OOSP1: variants seen among roughly 807,000 people sequenced by gnomAD.
OOSP1 encodes the protein putative oocyte-secreted protein 1 homolog.
Under a neutral mutation model 5.7 loss-of-function variants are expected in OOSP1, and 11 were observed. The ratio of observed to expected loss-of-function variants is 1.94; its 90% CI spans 1.22 to 3.20. OOSP1 has a LOEUF of 3.20. OOSP1 is among the 30% of genes most tolerant of loss of function. The pLI is 0.00. For synonymous variants in OOSP1, 44 were observed against 20.0 expected, an observed-to-expected ratio of 2.20 and a Z score of -3.20; for missense variants, 83 against 54.1, an observed-to-expected ratio of 1.53 and a Z score of -1.67.
At chr11:59,939,037 C>T (rs956650391) in intron 1 of OOSP1, among the ~76,000 whole-genome samples, 1 of 152,172 alleles carries the variant, frequency 6.6e-6, no homozygotes, top group South Asian at 2.1e-4. Flanking sequence ...TTTCCTGCGT[C>T]GGCCCCAAAA....
At chr11:59,939,352 T>C (rs1428417550) in intron 1 of OOSP1, among the ~76,000 whole-genome samples, 1 of 151,362 alleles carries the variant, frequency 6.6e-6, no homozygotes, top group Non-Finnish European at 1.5e-5. Context: ...CCCGGGTTCA[T>C]GTGATTCTTG....
rs536067985 is a variant in OOSP1 at position 59,943,009 on chromosome 11, A to T, written c.239A>T (p.Asp80Val). ...TATGAGTTTTTCTACCATCCTCATGACTGTGGTATTGTAACTCAAGTAAGA... is the reference window on the plus strand; with the variant it reads ...TATGAGTTTTTCTACCATCCTCATGTCTGTGGTATTGTAACTCAAGTAAGA... The change falls in exon 2 of 5, where the codon GAC becomes GTC. Residue 80 changes from aspartate (D) to valine (V), a missense_variant. Physicochemically the swap from Asp to Val is radical, Grantham distance 152 (BLOSUM62 -3). Coordinates refer to ENST00000646685, the Ensembl canonical transcript of OOSP1. The T allele has an allele frequency of 1.0e-5, 7 of 702,882 alleles. No individual in the cohort carries two copies. In the South Asian group the frequency reaches 1.0e-4, roughly 10 times the overall value. The allele number at this position is 702,882 out of a possible 1,614,324, so 43.5% of individuals were successfully genotyped here. A position where few individuals can be genotyped will look rare whatever the true frequency, so the allele number is the denominator to read the frequency against.
chr11:59,945,354 A>T (rs1054840907), intron 3 of OOSP1, 88 bp downstream of exon 3: 1 of 700,922 alleles, frequency 1.4e-6, no homozygotes, highest in Admixed American at 2.0e-5. Flanking sequence ...GTTAAATGGT[A>T]CAACCAGTGA....
chr11:59,949,555 G>A (rs529198405), intron 4 of OOSP1, among the ~76,000 whole-genome samples: 1 of 152,106 alleles, frequency 6.6e-6, no homozygotes, highest in Non-Finnish European at 1.5e-5. Flanking sequence ...AGTGTTTGCA[G>A]AACAAGGCCA....
chr11:59,939,400 C>T (rs1176719997), intron 1 of OOSP1, among the ~76,000 whole-genome samples: 5 of 151,852 alleles, frequency 3.3e-5, no homozygotes, highest in Non-Finnish European at 7.4e-5. Context: ...TGCAGATGTG[C>T]ACCACCACAT....
At chr11:59,954,607 A>G (rs1322544635) in intron 4 of OOSP1, among the ~76,000 whole-genome samples, 1 of 151,222 alleles carries the variant, frequency 6.6e-6, no homozygotes, top group Non-Finnish European at 1.5e-5. Flanking sequence ...TCCATTTTCC[A>G]CCAGAGAAAA....
At chr11:59,943,431 G>A (rs181073772) in intron 2 of OOSP1, among the ~76,000 whole-genome samples, 22 of 152,210 alleles carry the variant, frequency 1.4e-4, no homozygotes, top group Admixed American at 1.2e-3. Context: ...GTCATTAAGT[G>A]TCTATTTGTA....
intron 4 of OOSP1, among the ~76,000 whole-genome samples, chr11:59,951,700 A>T (rs1236659704): frequency 6.7e-6 from 1 of 150,310 alleles, no homozygotes; most frequent in Non-Finnish European, 1.5e-5. Flanking sequence ...GTGTCGAAGA[A>T]ATGAACTGCA....
At chr11:59,942,632 TA>T (rs1853841948) in intron 1 of OOSP1, among the ~76,000 whole-genome samples, 1 of 152,204 alleles carries the variant, frequency 6.6e-6, no homozygotes, top group South Asian at 2.1e-4. Context: ...ATAGATTCAC[TA>T]AAGAATGTAT....
At chr11:59,939,552 C>CT (rs1565230354) in intron 1 of OOSP1, among the ~76,000 whole-genome samples, 1 of 151,656 alleles carries the variant, frequency 6.6e-6, no homozygotes, top group Non-Finnish European at 1.5e-5. Flanking sequence ...GTGCTGAATG[C>CT]TTTTTTCTGT....
chr11:59,938,762 TC>T (rs1242378724), intron 1 of OOSP1, among the ~76,000 whole-genome samples: 3 of 152,166 alleles, frequency 2.0e-5, no homozygotes, highest in African/African-American at 7.2e-5. Context: ...AACTCCCCTT[TC>T]CTTTTGATCT....
chr11:59,954,207 A>G lies in OOSP1; in HGVS notation c.487-2988A>G, dbSNP rs537576124. On this transcript the variant is annotated intron_variant, in intron 4 of 4. Transcript: ENST00000646685. ...TAATCTCATGGGAACACAGTCATGT[A>G]TGTGGTCTCTTCTTGACCAAAATAT... 2.3e-4 allele frequency among the ~76,000 whole-genome samples: 35 copies of G among 152,326 alleles called. No homozygotes were observed. In the South Asian group the frequency reaches 6.4e-3, roughly 28 times the overall value.
At position 59,956,924 on chromosome 11, in the gene OOSP1, T is replaced by C. The variant is rs547124102; in HGVS notation, c.487-271T>C. Among the ~76,000 whole-genome samples, 24 of 152,220 alleles carry C rather than the reference T, an allele frequency of 1.6e-4. No homozygotes were observed. The South Asian group carries it at 5.0e-3, about 32-fold the overall frequency. Reference sequence around the variant, plus strand: ...GCTGAGTAGTATTCCATTATATATATATATAACAGTTTCTTTATCCACTCG... The same window carrying C: ...GCTGAGTAGTATTCCATTATATATACATATAACAGTTTCTTTATCCACTCG... On this transcript the variant is annotated intron_variant, in intron 4 of 4. Coordinates refer to ENST00000646685, the Ensembl canonical transcript of OOSP1.
At chr11:59,946,020 C>T (rs1290134843) in intron 3 of OOSP1, among the ~76,000 whole-genome samples, 2 of 152,032 alleles carry the variant, frequency 1.3e-5, no homozygotes, top group African/African-American at 4.8e-5. Context: ...ATGAGACCAG[C>T]ACCAAAGGGA....
At chr11:59,946,915 ATATCTATC>A (rs10555344) in intron 3 of OOSP1, among the ~76,000 whole-genome samples, 11,967 of 145,086 alleles carry the variant, frequency 0.082, 534 homozygotes, top group African/African-American at 0.12. Flanking sequence ...CTCATCTACC[ATATCTATC>A]TATCTATCTA....
intron 4 of OOSP1, among the ~76,000 whole-genome samples, chr11:59,952,300 A>G (rs1410537407): frequency 6.6e-6 from 1 of 152,156 alleles, no homozygotes; most frequent in Non-Finnish European, 1.5e-5. Flanking sequence ...GTATCTACCC[A>G]AAGGAAAATA....
chr11:59,941,842 G>A (rs1210626891), intron 1 of OOSP1, among the ~76,000 whole-genome samples: 1 of 152,152 alleles, frequency 6.6e-6, no homozygotes, highest in Non-Finnish European at 1.5e-5. Context: ...AGCAATGTAT[G>A]AGTGACCCAG....
intron 4 of OOSP1, among the ~76,000 whole-genome samples, chr11:59,953,352 G>A (rs1250043506): frequency 1.3e-5 from 2 of 151,934 alleles, no homozygotes; most frequent in Non-Finnish European, 2.9e-5. Flanking sequence ...CCTTGCTTCT[G>A]TTTCTAAGAT....
chr11:59,946,907 C>T (rs1035836542), intron 3 of OOSP1, among the ~76,000 whole-genome samples: 11 of 141,328 alleles, frequency 7.8e-5, no homozygotes, highest in Non-Finnish European at 1.7e-4. Flanking sequence ...CAAAATATCT[C>T]ATCTACCATA....
Sources: allele counts gnomAD v4.1 joint callset (sites outside exome capture counted in the v4.1 genomes callset), GRCh38; gene constraint gnomAD v4.1.1; transcripts MANE v1.5; gene names NCBI Gene and HGNC (gene_info 2026-07-23, HGNC 2026-07-21).